The following LY86 variants were observed in gnomAD, a reference collection of about 807,000 sequenced individuals.
LY86 encodes MD-1, RP105-associated.
In LY86, 20 loss-of-function variants were observed where a neutral mutation model predicts 17.3. That is an observed-to-expected ratio of 1.15 (90% CI 0.81 to 1.68). The LOEUF (loss-of-function observed/expected upper bound fraction) is 1.68. LY86 is among the 40% of genes most tolerant of loss of function. LY86 has a pLI of 0.00. For missense variants in LY86, 200 were observed against 191.9 expected, an observed-to-expected ratio of 1.04 and a Z score of -0.25; for synonymous variants, 74 against 70.6, an observed-to-expected ratio of 1.05 and a Z score of -0.24.
At chr6:6,628,036 C>CTTTTTT (rs202086977) in intron 3 of LY86, among the ~76,000 whole-genome samples, 2 of 147,506 alleles carry the variant, frequency 1.4e-5, no homozygotes, top group African/African-American at 2.5e-5. Context: ...CAAATTGGGA[C>CTTTTTT]TTTTTTTTTT....
At chr6:6,592,049 G>A (rs1760546678) in intron 1 of LY86, among the ~76,000 whole-genome samples, 1 of 152,200 alleles carries the variant, frequency 6.6e-6, no homozygotes, top group South Asian at 2.1e-4. Flanking sequence ...CAGGAGTGTA[G>A]ATTTTGAATT....
chr6:6,615,540 G>A (rs1283430038), intron 1 of LY86, among the ~76,000 whole-genome samples: 1 of 152,022 alleles, frequency 6.6e-6, no homozygotes, highest in Non-Finnish European at 1.5e-5. Flanking sequence ...TGGCCAACAT[G>A]GTGAAACCCC....
intron 1 of LY86, among the ~76,000 whole-genome samples, chr6:6,595,393 G>A (rs1478895181): frequency 3.7e-5 from 2 of 54,586 alleles, no homozygotes; most frequent in Non-Finnish European, 1.1e-4. Context: ...AGAAGAGAAG[G>A]AGGAAAAGAA....
chr6:6,613,987 TAC>T (rs747992038), intron 1 of LY86, among the ~76,000 whole-genome samples: 5 of 152,372 alleles, frequency 3.3e-5, no homozygotes, highest in Non-Finnish European at 5.9e-5. Flanking sequence ...ATATTTTTCA[TAC>T]AGTTTATTCC....
intron 1 of LY86, among the ~76,000 whole-genome samples, chr6:6,608,487 T>C (rs1581238239): frequency 6.6e-6 from 1 of 152,364 alleles, no homozygotes; most frequent in South Asian, 2.1e-4. Flanking sequence ...CAAACTGTTG[T>C]GAATATCCGT....
At chr6:6,621,378 T>C (rs543349308) in intron 1 of LY86, 1 of 152,358 alleles carries the variant, frequency 6.6e-6, no homozygotes, top group South Asian at 2.1e-4. Flanking sequence ...TCCGTCACTG[T>C]TCATACTGTA....
chr6:6,604,692 T>C (rs372374665), intron 1 of LY86, among the ~76,000 whole-genome samples: 5 of 152,212 alleles, frequency 3.3e-5, no homozygotes, highest in Non-Finnish European at 7.3e-5. Flanking sequence ...TCAATGTTTA[T>C]TAGCCAGAGA....
intron 1 of LY86, among the ~76,000 whole-genome samples, chr6:6,603,678 T>C (rs1225106392): frequency 3.4e-5 from 5 of 146,618 alleles, no homozygotes; most frequent in African/African-American, 1.0e-4. Context: ...AACAGTGAAG[T>C]TGTGTCTACC....
rs578132455 is a variant in LY86, at chr6:6,612,175, G to A, written c.137-12751G>A. Among the ~76,000 whole-genome samples the A allele has an allele frequency of 1.6e-4, 24 of 145,792 alleles. No homozygotes were observed. In the South Asian group the frequency reaches 1.7e-3, roughly 11 times the overall value. On this transcript the variant is annotated intron_variant, in intron 1 of 4. Transcript: ENST00000230568. ...TGTGTCCACAATTTGGGGGTTCTTG[G>A]TCTCACTGACTTCAAGAACGAAGCC...
intron 4 of LY86, among the ~76,000 whole-genome samples, chr6:6,650,924 C>A (rs1418603574): frequency 3.3e-5 from 5 of 152,170 alleles, no homozygotes; most frequent in Admixed American, 6.5e-5. Flanking sequence ...CTCTCTATCT[C>A]CATGTGATCA....
In LY86 at chr6:6,591,777, C is replaced by A. The variant is rs116653066; in HGVS notation, c.136+2907C>A. Reference sequence around the variant, plus strand: ...AGCCTGCCTGACTCCAGAACCCATGCTCTAAAACTCCCTGTGGTCTAGAGT... The same window carrying A: ...AGCCTGCCTGACTCCAGAACCCATGATCTAAAACTCCCTGTGGTCTAGAGT... On this transcript the variant is annotated intron_variant, in intron 1 of 4. Transcript: ENST00000230568. 2.4e-3 allele frequency among the ~76,000 whole-genome samples: 366 copies of A among 152,282 alleles called. 1 individual carries two copies. Among genetic ancestry groups the A allele is most frequent in the African/African-American group, 8.4e-3 (348 of 41,554 alleles).
intron 3 of LY86, among the ~76,000 whole-genome samples, chr6:6,649,373 C>T (rs1762153310): frequency 6.6e-6 from 1 of 152,206 alleles, no homozygotes; most frequent in African/African-American, 2.4e-5. Context: ...AATGTGTGGA[C>T]AGAGACTTCT....
At chr6:6,589,453 G>A (rs1191071003) in intron 1 of LY86, among the ~76,000 whole-genome samples, 1 of 152,178 alleles carries the variant, frequency 6.6e-6, no homozygotes, top group Admixed American at 6.5e-5. Context: ...CATATGCCAG[G>A]CCTGTCACCC....
chr6:6,613,223 TC>T (rs1761439505), intron 1 of LY86, among the ~76,000 whole-genome samples: 2 of 144,944 alleles, frequency 1.4e-5, no homozygotes, highest in Admixed American at 1.3e-4. Context: ...ACCCAGTGGA[TC>T]CGGCACTAGG....
chr6:6,602,648 G>C (rs958386598), intron 1 of LY86, among the ~76,000 whole-genome samples: 1 of 152,144 alleles, frequency 6.6e-6, no homozygotes, highest in Admixed American at 6.5e-5. Context: ...CCACCACTGT[G>C]GGTAACTGGG....
rs1308965562 is a variant in LY86, at chr6:6,626,360, C to T, written c.291C>T (p.Phe97=). ...CTCAAGGCTCATCTGTTTTGAATTT[C>T]TCCTATCCCATCTGTGAGGCGGCTC... ...LMSQGSSVLN[F]SYPICEAALP... The change falls in exon 3 of 5, where the codon TTC becomes TTT. Residue 97 remains phenylalanine, a synonymous_variant. Transcript: ENST00000230568. 2 of 1,614,004 alleles carry T rather than the reference C, an allele frequency of 1.2e-6. No individual in the cohort carries two copies.
chr6:6,648,089 C>T (rs1481408843), intron 3 of LY86, among the ~76,000 whole-genome samples: 1 of 151,894 alleles, frequency 6.6e-6, no homozygotes, highest in Non-Finnish European at 1.5e-5. Context: ...TCTTCCTGGC[C>T]CCCACTCTCT....
intron 1 of LY86, among the ~76,000 whole-genome samples, chr6:6,593,186 G>T (rs1184276938): frequency 1.3e-5 from 2 of 152,286 alleles, no homozygotes; most frequent in African/African-American, 4.8e-5. Flanking sequence ...AACTCTGGGG[G>T]AGAATCCCTT....
At chr6:6,608,627 AAT>A (rs1246778219) in intron 1 of LY86, among the ~76,000 whole-genome samples, 3 of 152,222 alleles carry the variant, frequency 2.0e-5, no homozygotes, top group Non-Finnish European at 4.4e-5. Context: ...TTTGTCCAGT[AAT>A]GTTTCCATGC....
Sources: gnomAD v4.1 joint callset for allele counts (sites outside exome capture counted in the v4.1 genomes callset) on GRCh38, gnomAD v4.1.1 for gene constraint, MANE v1.5 for transcripts, NCBI Gene and HGNC (gene_info 2026-07-23, HGNC 2026-07-21) for gene names.